Variants in GON4L observed in about 807,000 individuals in gnomAD.
GON4L encodes gon-4 like.
In GON4L, 87 loss-of-function variants were observed where a neutral mutation model predicts 211.8. That is an observed-to-expected ratio of 0.41 (90% CI 0.35 to 0.49). The LOEUF (loss-of-function observed/expected upper bound fraction) is 0.49, where lower values mean the gene tolerates loss of function less well. GON4L is among the 20% of genes least tolerant of loss of function. The pLI is 0.15. For missense variants in GON4L, 2,155 were observed against 2,659.5 expected, an observed-to-expected ratio of 0.81 and a Z score of 4.17; for synonymous variants, 875 against 962.6, an observed-to-expected ratio of 0.91 and a Z score of 1.68.
At chr1:155,755,217 C>T (rs1012780048) in intron 27 of GON4L, among the ~76,000 whole-genome samples, 1 of 151,796 alleles carries the variant, frequency 6.6e-6, no homozygotes, top group Admixed American at 6.6e-5. Flanking sequence ...ATTACAGGCG[C>T]ATGCCACTAA....
At chr1:155,840,814 C>T (rs1033158261) in intron 2 of GON4L, among the ~76,000 whole-genome samples, 41 of 152,270 alleles carry the variant, frequency 2.7e-4, no homozygotes, top group Admixed American at 7.8e-4. Flanking sequence ...GGGTGGATCA[C>T]CTGAGGTCGG....
At chr1:155,820,700 A>G in intron 5 of GON4L, 44 bp from the exon 6 acceptor site, 1 of 1,427,192 alleles carries the variant, frequency 7.0e-7, no homozygotes, top group Non-Finnish European at 9.9e-7. Context: ...TAAAAATCAC[A>G]GCTCAGTGAG....
At chr1:155,817,318 T>C (rs936111424) in intron 6 of GON4L, among the ~76,000 whole-genome samples, 1 of 152,208 alleles carries the variant, frequency 6.6e-6, no homozygotes, top group Non-Finnish European at 1.5e-5. Context: ...AAAGTTCTTA[T>C]ATACTGCTGA....
At chr1:155,756,201 C>T (rs144395347) in intron 27 of GON4L, among the ~76,000 whole-genome samples, 1 of 152,290 alleles carries the variant, frequency 6.6e-6, no homozygotes, top group Non-Finnish European at 1.5e-5. Context: ...CATTAAAATA[C>T]TTCCCAGAAT....
At chr1:155,769,587 G>C (rs971335561) in intron 19 of GON4L, among the ~76,000 whole-genome samples, 1 of 152,038 alleles carries the variant, frequency 6.6e-6, no homozygotes, top group Non-Finnish European at 1.5e-5. Flanking sequence ...GAAAATTTAA[G>C]TAACCTTTAC....
intron 11 of GON4L, among the ~76,000 whole-genome samples, chr1:155,801,789 A>C (rs1228975445): frequency 6.6e-6 from 1 of 152,096 alleles, no homozygotes; most frequent in African/African-American, 2.4e-5. Context: ...AGGCTGAGAC[A>C]GGAGAATCGC....
At chr1:155,845,402 G>C in intron 2 of GON4L, 2 of 313,312 alleles carry the variant, frequency 6.4e-6, no homozygotes, top group South Asian at 2.9e-5. Flanking sequence ...GCAGAAGGTG[G>C]TAGTCCACCC....
chr1:155,780,222 T>C (rs973601061), intron 14 of GON4L, among the ~76,000 whole-genome samples: 1 of 152,228 alleles, frequency 6.6e-6, no homozygotes, highest in Non-Finnish European at 1.5e-5. Context: ...TAGTATATCC[T>C]TTTCCTGCTT....
chr1:155,771,194 T>C lies in GON4L; in HGVS notation c.2519A>G (p.His840Arg). ...ATTAGGAAACTCAGTTCCTTCAAAA[T>C]GCTTCAGTCCTAAAGCTAACAAACT... is the stretch of plus-strand genomic sequence containing the variant. The part of the protein sequence containing the change: ...EDNLLALGLK[H>R]FEGTEFPNPL... Residue 840 changes from histidine to arginine, a missense_variant, in exon 19 of 32, where the codon CAT becomes CGT. This residue lies in a region of GON4L where 551 missense variants were observed against 854.0 expected (regional missense o/e 0.65). Transcript: ENST00000368331. 1 of 1,614,198 alleles carries C rather than the reference T, an allele frequency of 6.2e-7. No homozygotes were observed. Among genetic ancestry groups the C allele is most frequent in the Non-Finnish European group, 8.5e-7 (1 of 1,180,008 alleles).
rs761375668 is a variant in GON4L at position 155,751,866 on chromosome 1, T to C, written c.6477A>G (p.Glu2159=). The C allele has an allele frequency of 6.2e-7, 1 of 1,613,150 alleles. No individual in the cohort carries two copies. The highest frequency in any genetic ancestry group is 8.5e-7 in the Non-Finnish European group (1 of 1,179,132). ...TGEKVVLWTR[E]ADRVILTMCQ... is the part of the protein sequence containing the mutation. ...ACATGGTGAGGATCACACGGTCAGC[T>C]TCCCTGTAACCCAGGTATCATGATT... Residue 2159 remains glutamate, a synonymous_variant, in exon 31 of 32, where the codon GAA becomes GAG. Coordinates refer to ENST00000368331, the MANE Select transcript of GON4L (RefSeq NM_001282860.2).
intron 2 of GON4L, among the ~76,000 whole-genome samples, chr1:155,843,615 C>A (rs1362442465): frequency 1.3e-5 from 2 of 151,866 alleles, no homozygotes; most frequent in African/African-American, 4.8e-5. Context: ...TCTGACCCAA[C>A]CCTAGTAGCC....
intron 14 of GON4L, 77 bp downstream of exon 14, chr1:155,783,909 C>A (rs1029637738): frequency 6.3e-7 from 1 of 1,592,376 alleles, no homozygotes; most frequent in Admixed American, 1.7e-5. Flanking sequence ...GAAAAATTAT[C>A]AATTGCAACT....
chr1:155,855,431 G>A (rs894979943), intron 1 of GON4L, among the ~76,000 whole-genome samples: 7 of 151,674 alleles, frequency 4.6e-5, no homozygotes, highest in Non-Finnish European at 7.4e-5. Context: ...AACATAGTTC[G>A]CTGCAGCCTC....
intron 11 of GON4L, among the ~76,000 whole-genome samples, chr1:155,799,711 G>A (rs1485715455): frequency 3.3e-5 from 5 of 152,078 alleles, no homozygotes; most frequent in African/African-American, 4.8e-5. Context: ...TCAAGTTCTC[G>A]GAACCAAATT....
downstream of GON4L, chr1:155,749,229 G>A (rs1399721831): frequency 2.0e-6 from 3 of 1,504,152 alleles, no homozygotes; most frequent in Non-Finnish European, 2.7e-6. Context: ...TCCAGTCTGG[G>A]CAACAAGAGC....
At chr1:155,798,963 G>A (rs1666366238) in intron 11 of GON4L, among the ~76,000 whole-genome samples, 1 of 152,192 alleles carries the variant, frequency 6.6e-6, no homozygotes, top group Middle Eastern at 3.4e-3. Context: ...CCTGATTGTG[G>A]AATATGTCCT....
chr1:155,856,601 A>T (rs1284512025), intron 1 of GON4L, among the ~76,000 whole-genome samples: 1 of 152,062 alleles, frequency 6.6e-6, no homozygotes, highest in Non-Finnish European at 1.5e-5. Flanking sequence ...CATCCCCTCA[A>T]TCAACTGATG....
rs1660700714 is a variant in GON4L at position 155,752,469 on chromosome 1, T to G, written c.5964A>C (p.Gly1988=). Residue 1988 remains glycine, a synonymous_variant, in exon 30 of 32, where the codon GGA becomes GGC. Coordinates refer to ENST00000368331, the MANE Select transcript of GON4L (RefSeq NM_001282860.2). The part of the protein sequence containing the change: ...PETPQFPPTT[G]AVLYTVKRNQ... ...TTCTCTTAACAGTGTACAGTACAGC[T>G]CCAGTTGTGGGGGGAAATTGAGGAG... 2 of 1,567,968 alleles carry G rather than the reference T, an allele frequency of 1.3e-6. No individual in the cohort carries two copies. Among genetic ancestry groups the G allele is most frequent in the South Asian group, 2.3e-5 (2 of 85,590 alleles).
At chr1:155,851,421 C>T (rs1671783301) in intron 2 of GON4L, among the ~76,000 whole-genome samples, 1 of 143,038 alleles carries the variant, frequency 7.0e-6, no homozygotes, top group South Asian at 2.3e-4. Flanking sequence ...AAAACAAAAA[C>T]CTTCACAATC....
Sources: gnomAD v4.1 joint callset for allele counts (sites outside exome capture counted in the v4.1 genomes callset) on GRCh38, gnomAD v4.1.1 for gene constraint, gnomAD v4.1.1 regional missense constraint, MANE v1.5 for transcripts, NCBI Gene and HGNC (gene_info 2026-07-23, HGNC 2026-07-21) for gene names.